Variants in PTPRM observed in about 807,000 individuals in gnomAD.
PTPRM encodes protein tyrosine phosphatase receptor type M, also known as receptor-type tyrosine-protein phosphatase mu.
PTPRM carries 47 observed loss-of-function variants against 186.7 expected under a neutral mutation model. The observed-to-expected ratio is 0.25, with a 90% CI of 0.20 to 0.32. The LOEUF (loss-of-function observed/expected upper bound fraction) is 0.32, where lower values mean the gene tolerates loss of function less well. Among genes scored for constraint, PTPRM ranks in the 10% least tolerant of loss-of-function variants. The pLI, the probability that PTPRM is intolerant of heterozygous loss-of-function variation, is 1.00. For synonymous variants in PTPRM, 668 were observed against 674.9 expected (o/e 0.99, Z 0.16); for missense variants, 1,494 against 1,865.0 (o/e 0.80, Z 3.66).
At chr18:8,085,463 G>C (rs1310412777) in intron 9 of PTPRM, among the ~76,000 whole-genome samples, 3 of 152,094 alleles carry the variant, frequency 2.0e-5, no homozygotes, top group African/African-American at 2.4e-5. Context: ...TAATCTACTG[G>C]CTTAAGTTCC....
chr18:8,393,955 AT>A (rs553152566), intron 31 of PTPRM, among the ~76,000 whole-genome samples: 3 of 150,584 alleles, frequency 2.0e-5, no homozygotes, highest in Admixed American at 6.6e-5. Flanking sequence ...CGCCCGGCTA[AT>A]TTTTTTTGTA....
At chr18:8,092,103 G>A (rs1035750193) in intron 11 of PTPRM, among the ~76,000 whole-genome samples, 4 of 151,678 alleles carry the variant, frequency 2.6e-5, no homozygotes, top group African/African-American at 7.3e-5. Flanking sequence ...AAATTCAGTC[G>A]AATTTCGTTT....
chr18:7,646,758 G>C (rs2038574117), intron 1 of PTPRM, among the ~76,000 whole-genome samples: 1 of 152,134 alleles, frequency 6.6e-6, no homozygotes, highest in Admixed American at 6.5e-5. Context: ...CGCTTTGTTA[G>C]TGATTCTAGG....
intron 31 of PTPRM, among the ~76,000 whole-genome samples, chr18:8,389,210 G>A (rs376099386): frequency 3.3e-5 from 5 of 152,242 alleles, no homozygotes; most frequent in African/African-American, 4.8e-5. Context: ...GACCCCCAGC[G>A]TCTGGAGCTA....
chr18:7,906,486 A>G lies in PTPRM; in HGVS notation c.469-19A>G, dbSNP rs774881969. 4.4e-6 allele frequency: 7 copies of G among 1,573,550 alleles called. No homozygotes were observed. The highest frequency in any genetic ancestry group is 6.1e-6 in the Non-Finnish European group (7 of 1,143,338). On this transcript the variant is annotated intron_variant, in intron 3 of 32. Transcript: ENST00000580170. ...AAGACAAAATGAATAAATAATGTAA[A>G]TCTTTCTTAATTTTCCAGGTGATTT...
chr18:7,583,934 T>G (rs1273923921), intron 1 of PTPRM, among the ~76,000 whole-genome samples: 2 of 152,210 alleles, frequency 1.3e-5, no homozygotes, highest in Non-Finnish European at 2.9e-5. Flanking sequence ...GTTAATCACC[T>G]TCTTTAGAAC....
intron 13 of PTPRM, among the ~76,000 whole-genome samples, chr18:8,125,351 G>C (rs760896755): frequency 6.6e-6 from 1 of 152,048 alleles, no homozygotes; most frequent in Admixed American, 6.6e-5. Context: ...AGGGAGTGTT[G>C]CTTAAACTTC....
At chr18:7,681,582 C>A in intron 1 of PTPRM, among the ~76,000 whole-genome samples, 1 of 150,264 alleles carries the variant, frequency 6.7e-6, no homozygotes, top group African/African-American at 2.5e-5. Context: ...GTGTTAGATT[C>A]CTTAAAAAAA....
At chr18:7,851,477 G>A (rs961818340) in intron 2 of PTPRM, among the ~76,000 whole-genome samples, 20 of 152,200 alleles carry the variant, frequency 1.3e-4, no homozygotes, top group Middle Eastern at 6.8e-3. Context: ...CACCTTCAAA[G>A]GAGCAATATA....
At chr18:8,052,264 A>G (rs2087557883) in intron 7 of PTPRM, among the ~76,000 whole-genome samples, 1 of 152,200 alleles carries the variant, frequency 6.6e-6, no homozygotes, top group African/African-American at 2.4e-5. Flanking sequence ...CACAGGCCCA[A>G]CAAATCTAAG....
At chr18:7,603,427 C>G (rs1387701180) in intron 1 of PTPRM, among the ~76,000 whole-genome samples, 1 of 152,182 alleles carries the variant, frequency 6.6e-6, no homozygotes, top group African/African-American at 2.4e-5. Context: ...GTTTGCAGGG[C>G]CCCTGCCTGT....
At chr18:8,226,598 A>G (rs1011739933) in intron 14 of PTPRM, among the ~76,000 whole-genome samples, 1 of 152,208 alleles carries the variant, frequency 6.6e-6, no homozygotes, top group Non-Finnish European at 1.5e-5. Flanking sequence ...AGAAAAGCCA[A>G]ATGGTTAGTC....
intron 14 of PTPRM, among the ~76,000 whole-genome samples, chr18:8,189,689 C>T (rs1005058174): frequency 6.6e-6 from 1 of 152,112 alleles, no homozygotes; most frequent in Non-Finnish European, 1.5e-5. Context: ...TTGGCACTGC[C>T]CACAGGTCTC....
At chr18:8,159,535 G>T (rs551600242) in intron 14 of PTPRM, among the ~76,000 whole-genome samples, 3 of 152,094 alleles carry the variant, frequency 2.0e-5, no homozygotes, top group Non-Finnish European at 4.4e-5. Flanking sequence ...TGTTCATTCC[G>T]GTGTTTATTA....
chr18:8,034,644 G>A (rs1326597635), intron 7 of PTPRM, among the ~76,000 whole-genome samples: 1 of 152,184 alleles, frequency 6.6e-6, no homozygotes, highest in African/African-American at 2.4e-5. Flanking sequence ...CTGTGGCCCA[G>A]TGCTCCACTC....
At chr18:8,211,639 G>A (rs113244989) in intron 14 of PTPRM, among the ~76,000 whole-genome samples, 6,123 of 151,896 alleles carry the variant, frequency 0.04, 379 homozygotes, top group African/African-American at 0.14. Flanking sequence ...TCCTGACCTC[G>A]TGATCCGCCT....
intron 23 of PTPRM, among the ~76,000 whole-genome samples, chr18:8,368,201 C>T (rs1170780212): frequency 1.3e-5 from 2 of 150,736 alleles, no homozygotes; most frequent in Non-Finnish European, 2.9e-5. Context: ...TAGTATGTCC[C>T]ATAAAAGCAT....
At chr18:8,188,083 C>T (rs2093665593) in intron 14 of PTPRM, among the ~76,000 whole-genome samples, 1 of 152,130 alleles carries the variant, frequency 6.6e-6, no homozygotes, top group Non-Finnish European at 1.5e-5. Flanking sequence ...TCCTAAATCT[C>T]ACAAATGAGG....
At chr18:8,220,286 T>G (rs2094139862) in intron 14 of PTPRM, among the ~76,000 whole-genome samples, 1 of 152,180 alleles carries the variant, frequency 6.6e-6, no homozygotes, top group Non-Finnish European at 1.5e-5. Flanking sequence ...GCTTCTGAAT[T>G]TATGTCCTTC....
Sources: gnomAD v4.1 joint callset for allele counts (sites outside exome capture counted in the v4.1 genomes callset) on GRCh38, gnomAD v4.1.1 for gene constraint, MANE v1.5 for transcripts, NCBI Gene and HGNC (gene_info 2026-07-23, HGNC 2026-07-21) for gene names.